The following DAB1 variants were observed in gnomAD, a reference collection of about 807,000 sequenced individuals.
The protein encoded by DAB1 is DAB adaptor protein 1, also known as disabled homolog 1.
In DAB1, 15 loss-of-function variants were observed where a neutral mutation model predicts 64.6. That is an observed-to-expected ratio of 0.23 (90% CI 0.16 to 0.36). The LOEUF (loss-of-function observed/expected upper bound fraction) is 0.36, where lower values mean the gene tolerates loss of function less well. Ranked by LOEUF, DAB1 falls within the 10% of genes least tolerant of loss-of-function variation. The pLI is 1.00. For missense variants in DAB1, 596 were observed against 706.7 expected, an observed-to-expected ratio of 0.84 and a Z score of 1.78; for synonymous variants, 235 against 251.9, an observed-to-expected ratio of 0.93 and a Z score of 0.64.
chr1:58,003,958 C>T lies in DAB1; in HGVS notation n.388-119796G>A, dbSNP rs539372210. On this transcript the variant is annotated intron_variant and non_coding_transcript_variant, in intron 5 of 20. Transcript: ENST00000485760. ...AGGACGGGAAGTGGGGGTCAGAATA[C>T]AAGGGAAATATATTAGCATACGTTA... Among the ~76,000 whole-genome samples the T allele has an allele frequency of 5.9e-5, 9 of 152,294 alleles. 1 individual carries two copies. Among genetic ancestry groups the T allele is most frequent in the Admixed American group, 5.9e-4 (9 of 15,290 alleles).
At chr1:57,810,515 T>C (rs527327187) in intron 6 of DAB1, among the ~76,000 whole-genome samples, 1 of 152,180 alleles carries the variant, frequency 6.6e-6, no homozygotes, top group South Asian at 2.1e-4. Context: ...GTGAGAGGCA[T>C]AAAGGTGTGA....
chr1:57,496,109 A>G (rs1404839218), intron 7 of DAB1, among the ~76,000 whole-genome samples: 1 of 152,234 alleles, frequency 6.6e-6, no homozygotes, highest in Non-Finnish European at 1.5e-5. Flanking sequence ...ATTATGATGT[A>G]GATGATTTCA....
chr1:57,129,249 C>T (rs761747501), intron 4 of DAB1, among the ~76,000 whole-genome samples: 8 of 152,192 alleles, frequency 5.3e-5, no homozygotes, highest in Non-Finnish European at 8.8e-5. Context: ...TAGACTTGGT[C>T]CTGTAAATTA....
rs200349541 is a variant in DAB1, at chr1:57,638,384, C to T, written n.625+11208G>A. ...AGTACATGTTTTCAGCAGTTCTGGG[C>T]GAGGAGTGTCAGATGATAAGGCTGA... is the stretch of plus-strand genomic sequence containing the variant. On this transcript the variant is annotated intron_variant and non_coding_transcript_variant, in intron 7 of 20. Transcript: ENST00000485760. Among the ~76,000 whole-genome samples the T allele has an allele frequency of 1.3e-4, 20 of 152,146 alleles. No homozygotes were observed. The East Asian group carries it at 2.5e-3, about 19-fold the overall frequency.
chr1:57,082,808 C>T (rs11206968), intron 4 of DAB1, among the ~76,000 whole-genome samples: 34,420 of 151,994 alleles, frequency 0.23, 4,636 homozygotes, highest in East Asian at 0.49. Context: ...GTTAGTTTGC[C>T]GAGGATAACA....
rs144156249 is a variant in DAB1 at position 57,447,715 on chromosome 1, G to A, written n.626-156549C>T. Among the ~76,000 whole-genome samples, 44 of 152,262 alleles carry A rather than the reference G, an allele frequency of 2.9e-4. 1 individual carries two copies. In the East Asian group the frequency reaches 8.0e-3, roughly 28 times the overall value. On this transcript the variant is annotated intron_variant and non_coding_transcript_variant, in intron 7 of 20. Coordinates refer to the DAB1 transcript ENST00000485760. ...AGAAAATGCAGTCTCCTTGACCTGC[G>A]TAGAGGCCCTCTGTGGTGAGTCTTA...
intron 4 of DAB1, among the ~76,000 whole-genome samples, chr1:57,116,123 G>A (rs1656080724): frequency 6.6e-6 from 1 of 152,098 alleles, no homozygotes; most frequent in Non-Finnish European, 1.5e-5. Flanking sequence ...TTGGGGACAC[G>A]CTTCTCATCT....
intron 2 of DAB1, among the ~76,000 whole-genome samples, chr1:57,203,375 G>A (rs1665263629): frequency 1.3e-5 from 2 of 152,148 alleles, no homozygotes; most frequent in Admixed American, 6.5e-5. Context: ...TGGGGACAAG[G>A]AAAGTGAAGT....
intron 7 of DAB1, among the ~76,000 whole-genome samples, chr1:57,476,098 C>T (rs561364547): frequency 1.2e-3 from 177 of 151,814 alleles, no homozygotes; most frequent in Admixed American, 2.1e-3. Context: ...TGGTGGCGCA[C>T]GCCTGTAGTC....
rs1290752750 is a variant in DAB1, at chr1:58,480,801, AT to A, written n.257+25258del. 1.9e-5 allele frequency: 10 copies of A among 514,332 alleles called. No homozygotes were observed. In the Admixed American group the frequency reaches 3.8e-4, roughly 20 times the overall value. The allele number at this position is 514,332 out of a possible 1,614,324, so 31.9% of individuals were successfully genotyped here. ...ATAGATTAAAATACATCAATATTTC[AT>A]GAAAAATAAATTCTAGAAGAATTTA... On this transcript the variant is annotated intron_variant and non_coding_transcript_variant, in intron 3 of 20. Transcript: ENST00000485760.
chr1:58,019,536 G>C (rs1646787592), intron 5 of DAB1, among the ~76,000 whole-genome samples: 1 of 152,110 alleles, frequency 6.6e-6, no homozygotes, highest in Non-Finnish European at 1.5e-5. Context: ...CACTATCCTA[G>C]AGATGTTTCT....
At position 57,757,220 on chromosome 1, in the gene DAB1, T is replaced by TTTTTTTTTTTTTTTTTTTTTTTTTTG. The variant is rs200688727; in HGVS notation, n.552-107556_552-107555insCAAAAAAAAAAAAAAAAAAAAAAAAA. On this transcript the variant is annotated intron_variant and non_coding_transcript_variant, in intron 6 of 20. Transcript: ENST00000485760. ...AGAATTTTTTTTTTTTTTTTTTTTT[T>TTTTTTTTTTTTTTTTTTTTTTTTTTG]AGCAGCAATGATGGAGGCTAACAGC... is the stretch of plus-strand genomic sequence containing the variant. Among the ~76,000 whole-genome samples the TTTTTTTTTTTTTTTTTTTTTTTTTTG allele has an allele frequency of 5.4e-3, 653 of 120,114 alleles. 83 individuals are homozygous for TTTTTTTTTTTTTTTTTTTTTTTTTTG. The highest frequency in any genetic ancestry group is 0.023 in the East Asian group (89 of 3,916). The allele number at this position is 120,114 out of a possible 152,430, so 78.8% of individuals were successfully genotyped here.
intron 6 of DAB1, among the ~76,000 whole-genome samples, chr1:57,690,496 C>T (rs1646751461): frequency 6.6e-6 from 1 of 152,184 alleles, no homozygotes; most frequent in Non-Finnish European, 1.5e-5. Flanking sequence ...CCTGCTTTCC[C>T]TTCACCTTTT....
In DAB1 at chr1:56,997,490, A is replaced by T. The variant is rs1481797467; in HGVS notation, c.*654T>A. The T allele has an allele frequency of 1.3e-5, 2 of 152,022 alleles. No individual in the cohort carries two copies. The highest frequency in any genetic ancestry group is 2.9e-5 in the Non-Finnish European group (2 of 68,024). 9.4% of individuals were successfully genotyped at this position (152,022 alleles called of 1,614,324 possible). A position where few individuals can be genotyped will look rare whatever the true frequency, so the allele number is the denominator to read the frequency against. ...ACTGAGGCTTTTTTTCTCCCCAGTT[A>T]GATTTCTTCACCCATATCTAAAAAA... On this transcript the variant is annotated 3_prime_UTR_variant, in exon 15 of 15. Transcript: ENST00000371236.
chr1:57,554,982 A>G (rs1644969351), intron 7 of DAB1, among the ~76,000 whole-genome samples: 1 of 149,932 alleles, frequency 6.7e-6, no homozygotes, highest in Non-Finnish European at 1.5e-5. Context: ...GATTCTATTT[A>G]CATAAAACAT....
At chr1:57,183,861 A>G (rs1663243792) in intron 2 of DAB1, among the ~76,000 whole-genome samples, 1 of 152,210 alleles carries the variant, frequency 6.6e-6, no homozygotes, top group Non-Finnish European at 1.5e-5. Context: ...GGGCTGGGTG[A>G]ATGAAGACAA....
chr1:58,319,064 G>A (rs960575529), intron 4 of DAB1, among the ~76,000 whole-genome samples: 7 of 152,082 alleles, frequency 4.6e-5, no homozygotes, highest in African/African-American at 1.7e-4. Context: ...ATTGAGAAGA[G>A]CACATTTCTA....
chr1:58,531,648 C>T (rs1409662955), intron 1 of DAB1, among the ~76,000 whole-genome samples: 1 of 152,090 alleles, frequency 6.6e-6, no homozygotes, highest in Non-Finnish European at 1.5e-5. Flanking sequence ...ACTTTACCTC[C>T]TTATATTTGC....
At chr1:57,276,782 T>C (rs1185532224) in intron 2 of DAB1, among the ~76,000 whole-genome samples, 4 of 152,244 alleles carry the variant, frequency 2.6e-5, no homozygotes, top group African/African-American at 7.2e-5. Context: ...CTTGGATAGT[T>C]GGTTGTCTCT....
Sources: allele counts gnomAD v4.1 joint callset (sites outside exome capture counted in the v4.1 genomes callset), GRCh38; gene constraint gnomAD v4.1.1; transcripts MANE v1.5; gene names NCBI Gene and HGNC (gene_info 2026-07-23, HGNC 2026-07-21).